CLYBL: variants seen among roughly 807,000 people sequenced by gnomAD.
CLYBL encodes citramalyl-CoA lyase, also known as citramalyl-CoA lyase, mitochondrial.
CLYBL carries 31 observed loss-of-function variants against 38.9 expected under a neutral mutation model. That is an observed-to-expected ratio of 0.80 (90% CI 0.60 to 1.08). CLYBL has a LOEUF of 1.08. Ranked by LOEUF, CLYBL falls within the 50% of genes least tolerant of loss-of-function variation. The probability of loss-of-function intolerance (pLI) is 0.00; values close to 1 mark genes in which losing one functional copy is unlikely to be tolerated. For missense variants in CLYBL, 434 were observed against 411.6 expected (o/e 1.05, Z -0.47); for synonymous variants, 171 against 158.6 (o/e 1.08, Z -0.59).
intron 9 of CLYBL, among the ~76,000 whole-genome samples, chr13:99,907,531 T>G (rs2052709068): frequency 6.6e-6 from 1 of 152,190 alleles, no homozygotes; most frequent in Non-Finnish European, 1.5e-5. Context: ...CTTTTTACAT[T>G]TTTGTATTTC....
At chr13:99,778,649 C>T (rs180697170) in intron 2 of CLYBL, among the ~76,000 whole-genome samples, 8 of 152,278 alleles carry the variant, frequency 5.3e-5, no homozygotes, top group African/African-American at 1.9e-4. Flanking sequence ...TTCCCAAGCA[C>T]GGATGATAAA....
chr13:99,738,800 G>A (rs960364998), intron 1 of CLYBL, among the ~76,000 whole-genome samples: 9 of 152,104 alleles, frequency 5.9e-5, no homozygotes, highest in African/African-American at 1.7e-4. Flanking sequence ...GGAAGGAAAT[G>A]AGAATGGGGG....
intron 1 of CLYBL, among the ~76,000 whole-genome samples, chr13:99,700,527 A>T (rs1157227076): frequency 1.3e-5 from 2 of 152,216 alleles, no homozygotes; most frequent in Non-Finnish European, 2.9e-5. Flanking sequence ...CACTGGACCC[A>T]CGACAAGGAG....
intron 1 of CLYBL, chr13:99,726,562 T>C (rs993190971): frequency 6.6e-6 from 1 of 152,156 alleles, no homozygotes; most frequent in Non-Finnish European, 1.5e-5. Context: ...GGCAGAGTGG[T>C]GTCATGGAGA....
At chr13:99,635,766 A>G (rs1027789818) in intron 1 of CLYBL, among the ~76,000 whole-genome samples, 1 of 152,166 alleles carries the variant, frequency 6.6e-6, no homozygotes. Flanking sequence ...TGGTCTTTCC[A>G]TTTACTGGCT....
intron 7 of CLYBL, among the ~76,000 whole-genome samples, chr13:99,875,894 T>C (rs942388601): frequency 6.6e-6 from 1 of 152,162 alleles, no homozygotes; most frequent in African/African-American, 2.4e-5. Flanking sequence ...ATTTAACATT[T>C]TCAGAAAGAT....
At chr13:99,751,508 C>T (rs1046083251) in intron 1 of CLYBL, among the ~76,000 whole-genome samples, 7 of 152,052 alleles carry the variant, frequency 4.6e-5, no homozygotes, top group African/African-American at 7.2e-5. Flanking sequence ...GGCGTGAGCC[C>T]CTACACCTGG....
chr13:99,847,880 T>C (rs2051243482), intron 2 of CLYBL, among the ~76,000 whole-genome samples: 1 of 152,184 alleles, frequency 6.6e-6, no homozygotes. Context: ...TGGTCCTTTC[T>C]CCCCAATGGA....
intron 1 of CLYBL, among the ~76,000 whole-genome samples, chr13:99,668,603 A>G (rs2047518544): frequency 6.7e-6 from 1 of 150,350 alleles, no homozygotes. Context: ...AAAAAAAGAA[A>G]AAAAGAATAT....
chr13:99,740,376 G>T (rs61974434), intron 1 of CLYBL, among the ~76,000 whole-genome samples: 4,359 of 152,284 alleles, frequency 0.029, 77 homozygotes, highest in Middle Eastern at 0.12. Flanking sequence ...AATGATGTCT[G>T]TAAGCATCTT....
intron 2 of CLYBL, among the ~76,000 whole-genome samples, chr13:99,799,377 T>TCACA (rs142411916): frequency 6.0e-5 from 9 of 150,176 alleles, no homozygotes; most frequent in Non-Finnish European, 7.4e-5. Context: ...ATACACACAT[T>TCACA]CACACACACA....
chr13:99,897,279 T>C (rs1435614787), downstream of CLYBL: 1 of 152,246 alleles, frequency 6.6e-6, no homozygotes. Flanking sequence ...CTTCTGTTTG[T>C]ACACAGCCTT....
intron 1 of CLYBL, among the ~76,000 whole-genome samples, chr13:99,668,312 C>G (rs1473734317): frequency 6.7e-6 from 1 of 149,842 alleles, no homozygotes; most frequent in Non-Finnish European, 1.5e-5. Context: ...GGCGGCCGGG[C>G]ATGGTAGCTC....
intron 1 of CLYBL, among the ~76,000 whole-genome samples, chr13:99,639,734 G>A (rs2047068149): frequency 6.6e-6 from 1 of 152,056 alleles, no homozygotes; most frequent in African/African-American, 2.4e-5. Context: ...CTATACAAAA[G>A]AAAAGTTAAA....
chr13:99,817,341 T>C (rs1336419965), intron 2 of CLYBL, among the ~76,000 whole-genome samples: 1 of 150,912 alleles, frequency 6.6e-6, no homozygotes, highest in Non-Finnish European at 1.5e-5. Context: ...AGAGGGAAAG[T>C]GATTAAGAGA....
intron 7 of CLYBL, chr13:99,885,215 C>G (rs1219385919): frequency 2.5e-6 from 1 of 403,094 alleles, no homozygotes; most frequent in East Asian, 7.1e-5. Context: ...GAGAGCTGTA[C>G]AGGGAAAGGG....
chr13:99,654,099 G>C (rs2047293653), intron 1 of CLYBL, among the ~76,000 whole-genome samples: 1 of 152,134 alleles, frequency 6.6e-6, no homozygotes, highest in South Asian at 2.1e-4. Flanking sequence ...CCACCACGTG[G>C]GGTAGGGGGA....
chr13:99,809,560 C>T (rs1393484293), intron 2 of CLYBL, among the ~76,000 whole-genome samples: 2 of 152,256 alleles, frequency 1.3e-5, no homozygotes, highest in Non-Finnish European at 2.9e-5. Context: ...GCCTGGCTTC[C>T]TCTTTTGGCA....
At chr13:99,671,790 A>AAT (rs1555350673) in intron 1 of CLYBL, among the ~76,000 whole-genome samples, 6 of 125,580 alleles carry the variant, frequency 4.8e-5, no homozygotes, top group African/African-American at 1.8e-4. Flanking sequence ...AAAAAAAAAA[A>AAT]AAAAATAATA....
Sources: allele counts gnomAD v4.1 joint callset (sites outside exome capture counted in the v4.1 genomes callset), GRCh38; gene constraint gnomAD v4.1.1; transcripts MANE v1.5; gene names NCBI Gene and HGNC (gene_info 2026-07-23, HGNC 2026-07-21).